SPRY3: variants seen among roughly 807,000 people sequenced by gnomAD.
SPRY3 encodes the protein protein sprouty homolog 3.
In SPRY3, 15 loss-of-function variants were observed where a neutral mutation model predicts 20.2. That is an observed-to-expected ratio of 0.74 (90% CI 0.50 to 1.14). The LOEUF (loss-of-function observed/expected upper bound fraction) is 1.14. Among genes scored for constraint, SPRY3 ranks in the 50% most tolerant of loss-of-function variants. The probability of loss-of-function intolerance (pLI) is 0.00; values close to 1 mark genes in which losing one functional copy is unlikely to be tolerated. For missense variants in SPRY3, 364 were observed against 363.9 expected (o/e 1.00, Z 0.00); for synonymous variants, 143 against 136.5 (o/e 1.05, Z -0.33).
At chrX:155,760,031 A>G (rs180978168) in intron 2 of SPRY3, among the ~76,000 whole-genome samples, 164 of 152,308 alleles carry the variant, frequency 1.1e-3, no homozygotes, top group African/African-American at 3.5e-3. Context: ...AATGAATATT[A>G]TGTTCTACAT....
At chrX:155,769,409 C>T (rs1225335140) in intron 3 of SPRY3, among the ~76,000 whole-genome samples, 3 of 152,090 alleles carry the variant, frequency 2.0e-5, no homozygotes, top group Non-Finnish European at 4.4e-5. Flanking sequence ...TTTAAAAACC[C>T]TCCTTTTATT....
intron 3 of SPRY3, among the ~76,000 whole-genome samples, chrX:155,770,118 G>A (rs2091371908): frequency 6.6e-6 from 1 of 152,136 alleles, no homozygotes; most frequent in East Asian, 1.9e-4. Context: ...GTACAAAACA[G>A]CATTGAACCC....
chrX:155,629,307 C>T (rs1328952843), intron 1 of SPRY3, among the ~76,000 whole-genome samples: 1 of 109,659 alleles, frequency 9.1e-6, no homozygotes, highest in Non-Finnish European at 1.9e-5. Flanking sequence ...GTTTACAGCT[C>T]CATCCATGTC....
chrX:155,747,569 C>G (rs927330805), intron 2 of SPRY3, among the ~76,000 whole-genome samples: 5 of 151,904 alleles, frequency 3.3e-5, no homozygotes, highest in African/African-American at 1.2e-4. Context: ...TGCAGTATCC[C>G]AAATATCAGT....
chrX:155,749,486 G>A (rs971074894), intron 2 of SPRY3, among the ~76,000 whole-genome samples: 8 of 151,724 alleles, frequency 5.3e-5, no homozygotes, highest in African/African-American at 1.9e-4. Context: ...AGGAATCAAA[G>A]GAAGTGATGA....
exon 4 of SPRY3, chrX:155,774,559 C>G: frequency 6.2e-7 from 1 of 1,614,018 alleles, no homozygotes; most frequent in Non-Finnish European, 8.5e-7. Context: ...CCTCATCTCC[C>G]TCTTCCTACC....
intron 1 of SPRY3, among the ~76,000 whole-genome samples, chrX:155,654,964 T>A (rs1557352854): frequency 1.8e-5 from 2 of 111,558 alleles, no homozygotes; most frequent in East Asian, 5.6e-4. Context: ...GAGGTTGTAT[T>A]AATTTACATT....
At chrX:155,775,905 A>T (rs1331483165) in exon 4 of SPRY3, 1 of 167,106 alleles carries the variant, frequency 6.0e-6, no homozygotes, top group East Asian at 1.9e-4. Flanking sequence ...AAGGAATCTT[A>T]ACTATTAATC....
chrX:155,699,442 G>A (rs1235808547), intron 2 of SPRY3, among the ~76,000 whole-genome samples: 1 of 111,769 alleles, frequency 8.9e-6, no homozygotes, highest in Non-Finnish European at 1.9e-5. Flanking sequence ...GTGTCACCTT[G>A]CACGGTCCTC....
At chrX:155,633,303 G>A (rs1052897626) in intron 1 of SPRY3, among the ~76,000 whole-genome samples, 1 of 103,567 alleles carries the variant, frequency 9.7e-6, no homozygotes, top group African/African-American at 3.6e-5. Context: ...CACTTTGGGA[G>A]GCCGAGGCGG....
chrX:155,705,819 A>G (rs2090946851), intron 2 of SPRY3, among the ~76,000 whole-genome samples: 1 of 151,394 alleles, frequency 6.6e-6, no homozygotes, highest in South Asian at 2.1e-4. Flanking sequence ...ACATAATCCA[A>G]AAGACATAAT....
chrX:155,667,658 A>G (rs1275856318), intron 2 of SPRY3, among the ~76,000 whole-genome samples: 1 of 111,085 alleles, frequency 9.0e-6, no homozygotes, highest in Admixed American at 9.6e-5. Flanking sequence ...TCATCAAAAC[A>G]TACCATTAAT....
At chrX:155,780,225 T>C (rs1164841920), downstream of SPRY3, 1 of 166,996 alleles carries the variant, frequency 6.0e-6, no homozygotes, top group Non-Finnish European at 1.5e-5. Context: ...CAGGTAATAG[T>C]CATCCCTCTG....
intron 2 of SPRY3, among the ~76,000 whole-genome samples, chrX:155,740,574 G>A (rs1239984062): frequency 6.6e-6 from 1 of 152,080 alleles, no homozygotes; most frequent in Non-Finnish European, 1.5e-5. Context: ...GTCTCCTGCA[G>A]TACCCTCAGG....
At chrX:155,717,812 G>T (rs1197766042) in intron 2 of SPRY3, among the ~76,000 whole-genome samples, 1 of 152,034 alleles carries the variant, frequency 6.6e-6, no homozygotes, top group Non-Finnish European at 1.5e-5. Flanking sequence ...TCATTGATGG[G>T]CATTTGGGTC....
chrX:155,668,144 C>T (rs1221378942), intron 2 of SPRY3, among the ~76,000 whole-genome samples: 8 of 111,023 alleles, frequency 7.2e-5, no homozygotes, highest in African/African-American at 2.3e-4. Context: ...CACCCAAAAA[C>T]GTGGATATTA....
chrX:155,710,657 T>C (rs2090980098), intron 2 of SPRY3, among the ~76,000 whole-genome samples: 1 of 151,806 alleles, frequency 6.6e-6, no homozygotes, highest in Non-Finnish European at 1.5e-5. Flanking sequence ...CTTTATTTCT[T>C]TCTCTTGTCT....
At chrX:155,636,027 T>C (rs1557350987) in intron 1 of SPRY3, among the ~76,000 whole-genome samples, 1 of 112,287 alleles carries the variant, frequency 8.9e-6, no homozygotes, top group African/African-American at 3.2e-5. Context: ...ATAACTCACT[T>C]AAAGAATTTT....
At chrX:155,649,205 T>G (rs2067968087) in intron 1 of SPRY3, among the ~76,000 whole-genome samples, 1 of 111,755 alleles carries the variant, frequency 8.9e-6, no homozygotes, top group Admixed American at 9.5e-5. Flanking sequence ...GAGGAACTGG[T>G]ACCATTCCTT....
Sources: allele counts gnomAD v4.1 joint callset (sites outside exome capture counted in the v4.1 genomes callset), GRCh38; gene constraint gnomAD v4.1.1; transcripts MANE v1.5; gene names NCBI Gene and HGNC (gene_info 2026-07-23, HGNC 2026-07-21).